The following ADGRB2 variants were observed in gnomAD, a reference collection of about 807,000 sequenced individuals.
ADGRB2 encodes the protein adhesion G protein-coupled receptor B2, also known as brain-specific angiogenesis inhibitor 2.
A neutral mutation model predicts 178.7 loss-of-function variants in ADGRB2; 47 were observed. The observed-to-expected ratio is 0.26, with a 90% CI of 0.21 to 0.34. ADGRB2 has a LOEUF of 0.34. ADGRB2 is among the 10% of genes least tolerant of loss of function. The pLI is 1.00. For synonymous variants in ADGRB2, 870 were observed against 912.4 expected, an observed-to-expected ratio of 0.95 and a Z score of 0.84; for missense variants, 1,584 against 2,180.8, an observed-to-expected ratio of 0.73 and a Z score of 5.45.
intron 20 of ADGRB2, among the ~76,000 whole-genome samples, chr1:31,737,175 C>G (rs1306740928): frequency 1.3e-5 from 2 of 152,144 alleles, no homozygotes; most frequent in African/African-American, 4.8e-5. Context: ...ATGCCACCTG[C>G]CCAACACACA....
Position 31,728,206 on chromosome 1 carries a change from G to A in ADGRB2, c.4491C>T (p.Arg1497=), listed in dbSNP as rs1376262614. 6.2e-7 allele frequency: 1 copy of A among 1,614,202 alleles called. No individual in the cohort carries two copies. Among genetic ancestry groups the A allele is most frequent in the African/African-American group, 1.3e-5 (1 of 75,068 alleles). The change falls in exon 31 of 33, where the codon CGC becomes CGT. Residue 1497 remains arginine (R), a synonymous_variant. Transcript: ENST00000373658. This position sits in a 1 kb window ranked among gnomAD's most constrained non-coding sequence, Gnocchi z 6.7. Reference sequence around the variant, plus strand: ...CCTTGGCCGTGGACTGGCTGCGGTAGCGGTCGAAAGTGTGGAACTTCTGGT... The same window carrying A: ...CCTTGGCCGTGGACTGGCTGCGGTAACGGTCGAAAGTGTGGAACTTCTGGT... The part of the protein sequence containing the change: ...ELNQKFHTFD[R]YRSQSTAKRE...
At chr1:31,746,896 G>A (rs906576354) in intron 4 of ADGRB2, among the ~76,000 whole-genome samples, 6 of 152,146 alleles carry the variant, frequency 3.9e-5, no homozygotes, top group East Asian at 3.9e-4. Context: ...TCTCGGAGAG[G>A]CCCTCCTCTG....
chr1:31,746,938 C>T (rs1012620803), intron 4 of ADGRB2, among the ~76,000 whole-genome samples: 38 of 152,234 alleles, frequency 2.5e-4, no homozygotes, highest in African/African-American at 8.9e-4. Flanking sequence ...TCAGTGACTG[C>T]TCTGCAGCCA....
In ADGRB2 at chr1:31,748,815, T is replaced by TC. The variant is rs1281329744; in HGVS notation, c.839-4085_839-4084insG. ...TATTCTGTTCTGAATAAGGCAACGT[T>TC]TACTAAACAACTCCTACATGCCAGT... On this transcript the variant is annotated intron_variant, in intron 4 of 32. Transcript: ENST00000373658. Among the ~76,000 whole-genome samples the TC allele has an allele frequency of 1.4e-3, 220 of 152,346 alleles. 1 individual carries two copies. The highest frequency in any genetic ancestry group is 2.5e-3 in the Non-Finnish European group (171 of 68,032).
Position 31,730,835 on chromosome 1 carries a change from C to T in ADGRB2, c.4345G>A (p.Val1449Met). ...CCCATCTTCATGGTAGAGCCGGGCA[C>T]GGTGCGAGGCATGGTCCGGCTGCGC... The part of the protein sequence containing the change: ...GERSRTMPRT[V>M]PGSTMKMGSL... The change falls in exon 29 of 33, where the codon GTG (valine) becomes ATG (methionine). Residue 1449 changes from valine to methionine, a missense_variant. Transcript: ENST00000373658. 1.3e-6 allele frequency: 2 copies of T among 1,517,490 alleles called. No homozygotes were observed. Among genetic ancestry groups the T allele is most frequent in the Non-Finnish European group, 1.8e-6 (2 of 1,132,936 alleles). 94.0% of individuals were successfully genotyped at this position (1,517,490 alleles called of 1,614,324 possible). A position where few individuals can be genotyped will look rare whatever the true frequency, so the allele number is the denominator to read the frequency against.
At chr1:31,732,475 T>A (rs1484271080) in intron 27 of ADGRB2, 42 bp downstream of exon 27, 2 of 1,600,438 alleles carry the variant, frequency 1.2e-6, no homozygotes, top group Non-Finnish European at 1.7e-6. Flanking sequence ...GGGTGGGGGG[T>A]GCCCAGAATC....
chr1:31,734,318 G>T (rs898941157), intron 25 of ADGRB2, among the ~76,000 whole-genome samples: 1 of 152,218 alleles, frequency 6.6e-6, no homozygotes, highest in South Asian at 2.1e-4. Flanking sequence ...TTACAGATGA[G>T]GAAACTGGAG....
chr1:31,743,059 G>C, intron 6 of ADGRB2, 57 bp from the exon 7 acceptor site: 1 of 1,347,650 alleles, frequency 7.4e-7, no homozygotes, highest in South Asian at 1.8e-5. Flanking sequence ...CCCACCACCG[G>C]CGCCTGCCCA....
At chr1:31,748,578 G>A (rs1425088733) in intron 4 of ADGRB2, among the ~76,000 whole-genome samples, 1 of 152,266 alleles carries the variant, frequency 6.6e-6, no homozygotes, top group Non-Finnish European at 1.5e-5. Context: ...CAGGGTCCAA[G>A]AGGACAAGGA....
At position 31,737,500 on chromosome 1, in the gene ADGRB2, G is replaced by A; in HGVS notation, c.2908C>T (p.Leu970=). Reference sequence around the variant, plus strand: ...GCCAAGATGGACAGGCAGAAGTTCAGCAAGATGATGGAGCGTTCAGATTTT... The same window carrying A: ...GCCAAGATGGACAGGCAGAAGTTCAACAAGATGATGGAGCGTTCAGATTTT... ...FIKSERSIIL[L]NFCLSILASN... Residue 970 remains leucine, a synonymous_variant, in exon 20 of 33, where the codon CTG becomes TTG. Coordinates refer to ENST00000373658, the MANE Select transcript of ADGRB2 (RefSeq NM_001364857.2). 1.2e-6 allele frequency: 2 copies of A among 1,614,148 alleles called. No homozygotes were observed. The highest frequency in any genetic ancestry group is 1.7e-6 in the Non-Finnish European group (2 of 1,180,022).
rs1466752512 is a variant in ADGRB2 at position 31,744,616 on chromosome 1, G to A, written c.922+32C>T. The A allele has an allele frequency of 2.1e-5, 34 of 1,610,234 alleles. No individual in the cohort carries two copies. Among genetic ancestry groups the A allele is most frequent in the African/African-American group, 5.4e-5 (4 of 74,756 alleles). The stretch of plus-strand genomic sequence containing the variant: ...ACCAGACGCACACAGTCGGGCCCCC[G>A]CCGCAGAGGAAGGGAGGCGGGCCCG... On this transcript the variant is annotated intron_variant, in intron 5 of 32. Transcript: ENST00000373658. This position sits in a 1 kb window ranked among gnomAD's most constrained non-coding sequence, Gnocchi z 6.7.
At position 31,753,430 on chromosome 1, in the gene ADGRB2, C is replaced by G. The variant is rs1009083945; in HGVS notation, c.838+2569G>C. Among the ~76,000 whole-genome samples the G allele has an allele frequency of 1.3e-5, 2 of 152,222 alleles. No individual in the cohort carries two copies. Among genetic ancestry groups the G allele is most frequent in the Non-Finnish European group, 2.9e-5 (2 of 68,046 alleles). ...ACTCCGCCAGTCACTGCCCACCAGC[C>G]CCCAGCCCAGTGCTCTTCCGGTACC... On this transcript the variant is annotated intron_variant, in intron 4 of 32. Coordinates refer to ENST00000373658, the MANE Select transcript of ADGRB2 (RefSeq NM_001364857.2). The surrounding 1 kb of genome is among the most constrained non-coding windows in gnomAD (Gnocchi z 4.1).
intron 26 of ADGRB2, 120 bp downstream of exon 26, chr1:31,732,852 C>G (rs1389566205): frequency 5.9e-6 from 8 of 1,357,366 alleles, no homozygotes; most frequent in Non-Finnish European, 8.0e-6. Context: ...TAAGGGCTGC[C>G]CAGATGGGGC....
At chr1:31,747,156 T>C (rs551936480) in intron 4 of ADGRB2, among the ~76,000 whole-genome samples, 2 of 152,196 alleles carry the variant, frequency 1.3e-5, no homozygotes, top group South Asian at 4.1e-4. Flanking sequence ...TGCTGACTCG[T>C]CCTCCCTTGA....
chr1:31,738,169 T>G (rs1261011842), intron 18 of ADGRB2, 31 bp downstream of exon 18: 2 of 1,608,644 alleles, frequency 1.2e-6, no homozygotes, highest in African/African-American at 2.7e-5. Context: ...CCTCCTCCCT[T>G]ATTCAGCCCA....
chr1:31,744,636 G>A lies in ADGRB2; in HGVS notation c.922+12C>T. The A allele has an allele frequency of 6.2e-7, 1 of 1,613,738 alleles. No homozygotes were observed. On this transcript the variant is annotated intron_variant, in intron 5 of 32. Coordinates refer to ENST00000373658, the MANE Select transcript of ADGRB2 (RefSeq NM_001364857.2). This position sits in a 1 kb window ranked among gnomAD's most constrained non-coding sequence, Gnocchi z 6.7. ...CCCCCGCCGCAGAGGAAGGGAGGCGGGCCCGAGTTACCTGTCTGCGCCATG... is the reference window on the plus strand; with the variant it reads ...CCCCCGCCGCAGAGGAAGGGAGGCGAGCCCGAGTTACCTGTCTGCGCCATG...
chr1:31,732,468 T>TG (rs768418283), intron 27 of ADGRB2, 49 bp downstream of exon 27: 3 of 1,591,788 alleles, frequency 1.9e-6, no homozygotes, highest in South Asian at 2.2e-5. Flanking sequence ...AGGATTGGGG[T>TG]GGGGGGTGCC....
chr1:31,738,571 G>A lies in ADGRB2; in HGVS notation c.2645+16C>T, dbSNP rs1183022923. 11 of 1,603,666 alleles carry A rather than the reference G, an allele frequency of 6.9e-6. No individual in the cohort carries two copies. The highest frequency in any genetic ancestry group is 8.5e-6 in the Non-Finnish European group (10 of 1,174,866). The stretch of plus-strand genomic sequence containing the variant: ...GGGCTGCTCCCTTCCTCACCCAGAG[G>A]AGCCACCCAACTCACGCTCTGGAGT... On this transcript the variant is annotated intron_variant, in intron 17 of 32. Transcript: ENST00000373658.
In ADGRB2 at chr1:31,740,265, A is replaced by G; in HGVS notation, c.1989+82T>C. On this transcript the variant is annotated intron_variant, in intron 12 of 32. Coordinates refer to ENST00000373658, the MANE Select transcript of ADGRB2 (RefSeq NM_001364857.2). The surrounding 1 kb of genome is among the most constrained non-coding windows in gnomAD (Gnocchi z 5.9). The stretch of plus-strand genomic sequence containing the variant: ...CTATAGCCACACTTGCCGCCTCTAC[A>G]GCAGACTCTGCCTAGGGGCCTGGCC... 12 of 1,607,204 alleles carry G rather than the reference A, an allele frequency of 7.5e-6. No individual in the cohort carries two copies. Among genetic ancestry groups the G allele is most frequent in the Non-Finnish European group, 1.0e-5 (12 of 1,175,538 alleles).
Sources: gnomAD v4.1 joint callset for allele counts (sites outside exome capture counted in the v4.1 genomes callset) on GRCh38, gnomAD v4.1.1 for gene constraint, Gnocchi (gnomAD v3.1) non-coding constraint, MANE v1.5 for transcripts, NCBI Gene and HGNC (gene_info 2026-07-23, HGNC 2026-07-21) for gene names.